Variants in FHIT observed in about 807,000 individuals in gnomAD.
FHIT encodes fragile histidine triad diadenosine triphosphatase, also known as bis(5'-adenosyl)-triphosphatase.
A neutral mutation model predicts 17.9 loss-of-function variants in FHIT; 19 were observed. The observed-to-expected ratio is 1.06, with a 90% CI of 0.74 to 1.56. The LOEUF is 1.56. Ranked by LOEUF, FHIT falls within the 40% of genes most tolerant of loss-of-function variation. The pLI, the probability that FHIT is intolerant of heterozygous loss-of-function variation, is 0.00. For missense variants in FHIT, 248 were observed against 189.2 expected (o/e 1.31, Z -1.82); for synonymous variants, 81 against 69.7 (o/e 1.16, Z -0.81).
intron 3 of FHIT, among the ~76,000 whole-genome samples, chr3:60,942,996 CT>C (rs1478559046): frequency 6.6e-6 from 1 of 152,094 alleles, no homozygotes; most frequent in African/African-American, 2.4e-5. Context: ...TAATCTCCTG[CT>C]TTTTTCCTCT....
chr3:60,131,446 C>T (rs1699592994), intron 5 of FHIT, among the ~76,000 whole-genome samples: 1 of 152,068 alleles, frequency 6.6e-6, no homozygotes, highest in African/African-American at 2.4e-5. Context: ...CATATTCGCA[C>T]AGATTCATAT....
chr3:59,776,520 C>T (rs922766280), intron 8 of FHIT, among the ~76,000 whole-genome samples: 2 of 152,158 alleles, frequency 1.3e-5, no homozygotes, highest in Non-Finnish European at 2.9e-5. Flanking sequence ...AACAGTGAGA[C>T]AGTGATGGGC....
chr3:60,941,044 A>G (rs184855926), intron 3 of FHIT, among the ~76,000 whole-genome samples: 256 of 152,348 alleles, frequency 1.7e-3, no homozygotes, highest in African/African-American at 5.9e-3. Flanking sequence ...ATGTAGTCCA[A>G]TAGATCCACA....
At chr3:60,647,894 G>A (rs1384919050) in intron 4 of FHIT, among the ~76,000 whole-genome samples, 2 of 152,158 alleles carry the variant, frequency 1.3e-5, no homozygotes, top group Admixed American at 6.5e-5. Context: ...TATACCTGGT[G>A]GCTTAACAGC....
chr3:60,686,663 G>A (rs2040868790), intron 4 of FHIT, among the ~76,000 whole-genome samples: 1 of 152,074 alleles, frequency 6.6e-6, no homozygotes, highest in African/African-American at 2.4e-5. Flanking sequence ...CCAGAGATTT[G>A]AGCAGAATTT....
intron 5 of FHIT, among the ~76,000 whole-genome samples, chr3:60,467,604 T>A (rs1242282432): frequency 6.6e-6 from 1 of 151,984 alleles, no homozygotes; most frequent in Non-Finnish European, 1.5e-5. Flanking sequence ...GCATATTGTT[T>A]AATTTCCATG....
chr3:61,192,672 G>C (rs1044527554), intron 2 of FHIT, among the ~76,000 whole-genome samples: 2 of 152,080 alleles, frequency 1.3e-5, no homozygotes, highest in Non-Finnish European at 2.9e-5. Flanking sequence ...AAATTTATGT[G>C]GCCTCCTTTG....
chr3:60,973,721 A>G (rs1446663401), intron 3 of FHIT, among the ~76,000 whole-genome samples: 2 of 152,200 alleles, frequency 1.3e-5, no homozygotes, highest in African/African-American at 2.4e-5. Context: ...GTAATGGAAA[A>G]CAAAGAAGTA....
chr3:61,218,615 G>A (rs1384672622), intron 1 of FHIT, among the ~76,000 whole-genome samples: 1 of 152,226 alleles, frequency 6.6e-6, no homozygotes, highest in Non-Finnish European at 1.5e-5. Flanking sequence ...AAGATGCAGA[G>A]TGAGTGTAGA....
intron 1 of FHIT, among the ~76,000 whole-genome samples, chr3:61,204,147 T>C (rs2039127004): frequency 6.6e-6 from 1 of 152,098 alleles, no homozygotes; most frequent in South Asian, 2.1e-4. Flanking sequence ...CAAAAATAAA[T>C]ACTGTGTTGT....
At chr3:60,107,074 C>G (rs1704450442) in intron 5 of FHIT, among the ~76,000 whole-genome samples, 1 of 150,618 alleles carries the variant, frequency 6.6e-6, no homozygotes. Flanking sequence ...ATGCATTTGA[C>G]AACCAATCTG....
intron 8 of FHIT, among the ~76,000 whole-genome samples, chr3:59,886,926 C>T (rs1291250076): frequency 6.6e-6 from 1 of 152,124 alleles, no homozygotes; most frequent in African/African-American, 2.4e-5. Context: ...AGAAATGGTG[C>T]TGCAGGGCTA....
chr3:60,477,521 T>C (rs758443909), intron 5 of FHIT, among the ~76,000 whole-genome samples: 1 of 152,134 alleles, frequency 6.6e-6, no homozygotes, highest in Non-Finnish European at 1.5e-5. Context: ...CCACACTATG[T>C]AATAATTTCT....
At chr3:61,123,485 G>T (rs2036519789) in intron 2 of FHIT, among the ~76,000 whole-genome samples, 1 of 150,284 alleles carries the variant, frequency 6.7e-6, no homozygotes, top group East Asian at 1.9e-4. Flanking sequence ...ATGTATCCCA[G>T]AGCTTAAAGT....
intron 8 of FHIT, among the ~76,000 whole-genome samples, chr3:59,912,642 T>C (rs1339966764): frequency 6.6e-6 from 1 of 152,218 alleles, no homozygotes; most frequent in East Asian, 1.9e-4. Context: ...TGTGCAATGT[T>C]CTTTCAATAA....
intron 4 of FHIT, among the ~76,000 whole-genome samples, chr3:60,687,075 G>A (rs1553698629): frequency 6.6e-6 from 1 of 152,196 alleles, no homozygotes; most frequent in African/African-American, 2.4e-5. Flanking sequence ...GGCAGTGAAA[G>A]TAATATTTAC....
chr3:61,129,353 T>A (rs1174535613), intron 2 of FHIT, among the ~76,000 whole-genome samples: 1 of 152,202 alleles, frequency 6.6e-6, no homozygotes, highest in Non-Finnish European at 1.5e-5. Flanking sequence ...CGTCTGGTTT[T>A]TGCTCTGGTT....
At position 59,806,661 on chromosome 3, in the gene FHIT, TAC is replaced by T. The variant is rs1264121315; in HGVS notation, c.349-54342_349-54341del. On this transcript the variant is annotated intron_variant, in intron 8 of 9. Transcript: ENST00000492590. ...ATATATATATATACATATATATGTA[TAC>T]ATATATATGTGTATATATATGTATA... 1.5e-4 allele frequency among the ~76,000 whole-genome samples: 21 copies of T among 141,864 alleles called. No homozygotes were observed. The Middle Eastern group carries it at 0.023, about 154-fold the overall frequency. The allele number at this position is 141,864 out of a possible 152,430, so 93.1% of individuals were successfully genotyped here. A position where few individuals can be genotyped will look rare whatever the true frequency, so the allele number is the denominator to read the frequency against.
intron 5 of FHIT, among the ~76,000 whole-genome samples, chr3:60,199,267 A>G (rs1400173426): frequency 1.3e-5 from 2 of 152,210 alleles, no homozygotes; most frequent in African/African-American, 4.8e-5. Flanking sequence ...GAACATATAG[A>G]CAGCTGATGT....
Sources: allele counts gnomAD v4.1 joint callset (sites outside exome capture counted in the v4.1 genomes callset), GRCh38; gene constraint gnomAD v4.1.1; transcripts MANE v1.5; gene names NCBI Gene and HGNC (gene_info 2026-07-23, HGNC 2026-07-21).